ERI3: variants seen among roughly 807,000 people sequenced by gnomAD.
ERI3 encodes ERI1 exoribonuclease 3.
A neutral mutation model predicts 44.4 loss-of-function variants in ERI3; 18 were observed. The observed-to-expected ratio is 0.41, with a 90% CI of 0.28 to 0.60. The LOEUF is 0.60. Among genes scored for constraint, ERI3 ranks in the 20% least tolerant of loss-of-function variants. The pLI is 0.36. For missense variants in ERI3, 294 were observed against 435.5 expected, an observed-to-expected ratio of 0.68 and a Z score of 2.89; for synonymous variants, 183 against 164.8, an observed-to-expected ratio of 1.11 and a Z score of -0.84.
chr1:44,286,031 G>T (rs1326290886), intron 6 of ERI3, among the ~76,000 whole-genome samples: 3 of 152,138 alleles, frequency 2.0e-5, no homozygotes, highest in African/African-American at 7.2e-5. Flanking sequence ...TGTAAAGGAG[G>T]CCCCAGTGAC....
chr1:44,278,264 G>A (rs1645218718), intron 7 of ERI3, among the ~76,000 whole-genome samples: 1 of 152,214 alleles, frequency 6.6e-6, no homozygotes, highest in African/African-American at 2.4e-5. Context: ...GATTGCTGAG[G>A]CAAGGAGTTG....
At chr1:44,257,615 T>G (rs1644806941) in intron 7 of ERI3, among the ~76,000 whole-genome samples, 3 of 152,208 alleles carry the variant, frequency 2.0e-5, no homozygotes, top group Admixed American at 6.5e-5. Context: ...TCACCTTTTC[T>G]TTCAGCAAGG....
chr1:44,226,778 A>AACACATAC (rs1553179943), intron 8 of ERI3, among the ~76,000 whole-genome samples: 1 of 143,374 alleles, frequency 7.0e-6, no homozygotes, highest in Non-Finnish European at 1.5e-5. Context: ...AGCATTATTA[A>AACACATAC]ACACACACAC....
At chr1:44,257,593 T>A (rs999411329) in intron 7 of ERI3, among the ~76,000 whole-genome samples, 1 of 152,194 alleles carries the variant, frequency 6.6e-6, no homozygotes, top group African/African-American at 2.4e-5. Context: ...ATCATCTCCA[T>A]GGGGAGGGAT....
chr1:44,275,817 T>C (rs527435490), intron 7 of ERI3, among the ~76,000 whole-genome samples: 6 of 152,154 alleles, frequency 3.9e-5, no homozygotes, highest in Non-Finnish European at 8.8e-5. Flanking sequence ...CTCAGAATCC[T>C]CCTAAGGCTG....
intron 8 of ERI3, among the ~76,000 whole-genome samples, chr1:44,245,689 AG>A (rs1352548848): frequency 5.3e-5 from 8 of 152,326 alleles, no homozygotes; most frequent in African/African-American, 1.7e-4. Flanking sequence ...GTCCTAACCT[AG>A]GGTCAACAGG....
At chr1:44,242,144 T>TA in intron 8 of ERI3, 1 of 985,520 alleles carries the variant, frequency 1.0e-6, no homozygotes, top group Non-Finnish European at 1.2e-6. Context: ...CTCACTTTCT[T>TA]AGGGCCACAC....
intron 5 of ERI3, among the ~76,000 whole-genome samples, chr1:44,312,886 A>C (rs1646003592): frequency 6.6e-6 from 1 of 152,226 alleles, no homozygotes; most frequent in African/African-American, 2.4e-5. Flanking sequence ...AGGCTACCCC[A>C]GAGTCAGCCA....
chr1:44,327,433 C>T (rs1031942275), intron 3 of ERI3, among the ~76,000 whole-genome samples: 1 of 152,192 alleles, frequency 6.6e-6, no homozygotes, highest in Non-Finnish European at 1.5e-5. Flanking sequence ...GAGCTAATAC[C>T]TATAAGCCAT....
intron 8 of ERI3, among the ~76,000 whole-genome samples, chr1:44,226,786 CA>C (rs1293792289): frequency 6.6e-6 from 1 of 150,536 alleles, no homozygotes. Flanking sequence ...TAAACACACA[CA>C]CACACACACA....
At chr1:44,278,982 G>A (rs1452339574) in intron 7 of ERI3, among the ~76,000 whole-genome samples, 2 of 152,180 alleles carry the variant, frequency 1.3e-5, no homozygotes, top group Non-Finnish European at 2.9e-5. Context: ...TACATTTCAA[G>A]TGATCTACTG....
intron 2 of ERI3, among the ~76,000 whole-genome samples, chr1:44,349,075 T>A (rs1053212311): frequency 6.6e-6 from 1 of 152,196 alleles, no homozygotes; most frequent in Non-Finnish European, 1.5e-5. Flanking sequence ...TGAATTTCTA[T>A]CGGGAAGCTG....
chr1:44,310,928 A>C (rs1203706950), intron 5 of ERI3, among the ~76,000 whole-genome samples: 2 of 148,198 alleles, frequency 1.3e-5, no homozygotes, highest in South Asian at 2.2e-4. Context: ...CCTCTGACCC[A>C]ACTCCTTGCA....
chr1:44,258,726 AG>A (rs1176413984), intron 7 of ERI3, among the ~76,000 whole-genome samples: 2 of 152,204 alleles, frequency 1.3e-5, no homozygotes, highest in African/African-American at 4.8e-5. Context: ...CTAGGAGCTC[AG>A]ACCAGTGGTC....
rs950103901 is a variant in ERI3, at chr1:44,296,602, T to C, written c.759-11695A>G. 1.1e-4 allele frequency among the ~76,000 whole-genome samples: 16 copies of C among 152,164 alleles called. 1 individual carries two copies. The highest frequency in any genetic ancestry group is 1.9e-4 in the Non-Finnish European group (13 of 68,026). Reference sequence around the variant, plus strand: ...AGTTGAAGCAAATGTTCTGTAACCCTAAAACCCAAAACTACTGGCAGGTGA... The same window carrying C: ...AGTTGAAGCAAATGTTCTGTAACCCCAAAACCCAAAACTACTGGCAGGTGA... On this transcript the variant is annotated intron_variant, in intron 6 of 8. Transcript: ENST00000372257.
intron 8 of ERI3, among the ~76,000 whole-genome samples, chr1:44,232,522 A>G (rs575522676): frequency 1.3e-4 from 20 of 151,694 alleles, no homozygotes; most frequent in Non-Finnish European, 2.8e-4. Context: ...CCACAAAATC[A>G]TCAGACTATT....
intron 7 of ERI3, among the ~76,000 whole-genome samples, chr1:44,255,803 T>C (rs2154319154): frequency 6.6e-6 from 1 of 152,314 alleles, no homozygotes; most frequent in Admixed American, 6.5e-5. Context: ...TTCCTTCCTC[T>C]TCCTTACTGC....
chr1:44,338,900 G>C (rs1646589658), intron 3 of ERI3, 145 bp downstream of exon 3: 1 of 1,011,004 alleles, frequency 9.9e-7, no homozygotes, highest in Non-Finnish European at 1.5e-6. Context: ...CCTGAAACAA[G>C]TCCTGCTTCC....
intron 7 of ERI3, among the ~76,000 whole-genome samples, chr1:44,265,959 C>T (rs1276833385): frequency 1.3e-5 from 2 of 152,166 alleles, no homozygotes; most frequent in Non-Finnish European, 2.9e-5. Flanking sequence ...GATGGTTGCA[C>T]AATCCTGTAA....
Sources: gnomAD v4.1 joint callset for allele counts (sites outside exome capture counted in the v4.1 genomes callset) on GRCh38, gnomAD v4.1.1 for gene constraint, MANE v1.5 for transcripts, NCBI Gene and HGNC (gene_info 2026-07-23, HGNC 2026-07-21) for gene names.